Variants in ERLEC1 observed in about 807,000 individuals in gnomAD.
ERLEC1 encodes ER lectin.
ERLEC1 carries 47 observed loss-of-function variants against 68.0 expected under a neutral mutation model. The ratio of observed to expected loss-of-function variants is 0.69; its 90% CI spans 0.55 to 0.88. The LOEUF (loss-of-function observed/expected upper bound fraction) is 0.88, where lower values mean the gene tolerates loss of function less well. Among genes scored for constraint, ERLEC1 ranks in the 40% least tolerant of loss-of-function variants. The probability of loss-of-function intolerance (pLI) is 0.00; values close to 1 mark genes in which losing one functional copy is unlikely to be tolerated. For missense variants in ERLEC1, 567 were observed against 583.8 expected (o/e 0.97, Z 0.30); for synonymous variants, 225 against 203.2 (o/e 1.11, Z -0.91).
chr2:53,789,214 T>C (rs538051615), intron 1 of ERLEC1, among the ~76,000 whole-genome samples: 1 of 151,970 alleles, frequency 6.6e-6, no homozygotes, highest in South Asian at 2.1e-4. Context: ...ACCAACGTGG[T>C]GAAACCCCAT....
At chr2:53,817,118 T>C (rs1463540599) in intron 13 of ERLEC1, among the ~76,000 whole-genome samples, 6 of 147,618 alleles carry the variant, frequency 4.1e-5, no homozygotes, top group African/African-American at 1.5e-4. Context: ...CTTTTTGTTG[T>C]TGTTGTTTTT....
chr2:53,796,913 A>T, intron 3 of ERLEC1, among the ~76,000 whole-genome samples: 1 of 127,296 alleles, frequency 7.9e-6, no homozygotes, highest in Non-Finnish European at 1.6e-5. Flanking sequence ...TTTTTTTGAG[A>T]CAGAGTTTCA....
rs373607608 is a variant in ERLEC1 at position 53,814,515 on chromosome 2, A to T, written c.1227-28A>T. 3.5e-5 allele frequency: 55 copies of T among 1,562,166 alleles called. No homozygotes were observed. In the African/African-American group the frequency reaches 6.9e-4, roughly 20 times the overall value. ...ATTCTATTAGTGAGATTTTAGTTTA[A>T]TAAAACTTGTGTGTTTCTCTGATTC... On this transcript the variant is annotated intron_variant, in intron 11 of 13. Coordinates refer to ENST00000185150, the MANE Select transcript of ERLEC1 (RefSeq NM_015701.5).
chr2:53,811,913 T>G (rs541730972), intron 10 of ERLEC1, among the ~76,000 whole-genome samples: 2 of 151,762 alleles, frequency 1.3e-5, no homozygotes, highest in Admixed American at 6.6e-5. Context: ...ACCATAGGGG[T>G]TTTTTTTGTT....
At chr2:53,796,863 T>C (rs1675733854) in intron 3 of ERLEC1, among the ~76,000 whole-genome samples, 2 of 151,860 alleles carry the variant, frequency 1.3e-5, no homozygotes, top group Admixed American at 1.3e-4. Context: ...TGAATGTTTT[T>C]CAGTTCAAAA....
At chr2:53,817,431 C>T (rs1230782019) in intron 13 of ERLEC1, among the ~76,000 whole-genome samples, 1 of 152,118 alleles carries the variant, frequency 6.6e-6, no homozygotes, top group Non-Finnish European at 1.5e-5. Flanking sequence ...TCGTGCCCAG[C>T]CTCCACTTGG....
rs1676411288 is a variant in ERLEC1 at position 53,808,375 on chromosome 2, T to A, written c.956T>A (p.Leu319His). 6.2e-7 allele frequency: 1 copy of A among 1,614,080 alleles called. No homozygotes were observed. The highest frequency in any genetic ancestry group is 1.3e-5 in the African/African-American group (1 of 74,940). ...KSIAIGSQPV[L>H]TVGTTHISKL... is the part of the protein sequence containing the mutation. ...ATTGCTATTGGCTCTCAGCCAGTGC[T>A]CACTGTTGGGACAACCCACATATCC... Residue 319 changes from leucine to histidine, a missense_variant, in exon 9 of 14, where the codon CTC (leucine) becomes CAC (histidine). Transcript: ENST00000185150.
At chr2:53,800,032 A>T (rs944427364) in intron 6 of ERLEC1, among the ~76,000 whole-genome samples, 2 of 152,130 alleles carry the variant, frequency 1.3e-5, no homozygotes, top group African/African-American at 2.4e-5. Flanking sequence ...CCAGACATTT[A>T]ACAAAAGCTA....
At chr2:53,815,151 G>A (rs1057394014) in intron 13 of ERLEC1, among the ~76,000 whole-genome samples, 14 of 151,556 alleles carry the variant, frequency 9.2e-5, no homozygotes, top group Admixed American at 2.6e-4. Flanking sequence ...GATTACAGGC[G>A]CACACCACCA....
Position 53,818,035 on chromosome 2 carries a change from C to A in ERLEC1, c.*66C>A. ...CATGATAATTTCTGTCCCACTGTGT[C>A]TCATTATAGAGTTCTCAGCCATTGG... is the stretch of plus-strand genomic sequence containing the variant. On this transcript the variant is annotated 3_prime_UTR_variant, in exon 14 of 14. Coordinates refer to ENST00000185150, the MANE Select transcript of ERLEC1 (RefSeq NM_015701.5). The A allele has an allele frequency of 9.5e-7, 1 of 1,057,278 alleles. No homozygotes were observed. The highest frequency in any genetic ancestry group is 1.5e-6 in the Non-Finnish European group (1 of 677,744). 65.5% of individuals were successfully genotyped at this position (1,057,278 alleles called of 1,614,324 possible).
At chr2:53,814,703 A>G in intron 12 of ERLEC1, 83 bp downstream of exon 12, 1 of 1,028,740 alleles carries the variant, frequency 9.7e-7, no homozygotes, top group Non-Finnish European at 1.5e-6. Flanking sequence ...AAACAGTATA[A>G]TTATGAATAA....
Position 53,799,072 on chromosome 2 carries a change from A to C in ERLEC1, c.516A>C (p.Lys172Asn). 2 of 1,612,430 alleles carry C rather than the reference A, an allele frequency of 1.2e-6. No individual in the cohort carries two copies. Among genetic ancestry groups the C allele is most frequent in the Non-Finnish European group, 1.7e-6 (2 of 1,179,036 alleles). Residue 172 changes from lysine to asparagine, a missense_variant, in exon 6 of 14, where the codon AAA (lysine) becomes AAC (asparagine). Coordinates refer to ENST00000185150, the MANE Select transcript of ERLEC1 (RefSeq NM_015701.5). ...AACGAGAAGCAGAAGAAAAGGAAAAATCAAATGAGGCAAGTGACAGATGTT... is the reference window on the plus strand; with the variant it reads ...AACGAGAAGCAGAAGAAAAGGAAAACTCAAATGAGGCAAGTGACAGATGTT... The part of the protein sequence containing the change: ...EKEREAEEKE[K>N]SNEIPTKNIE...
At chr2:53,806,275 C>A (rs1676291054) in intron 8 of ERLEC1, among the ~76,000 whole-genome samples, 1 of 152,064 alleles carries the variant, frequency 6.6e-6, no homozygotes, top group African/African-American at 2.4e-5. Flanking sequence ...AATAATTTTC[C>A]TTAAAAATGA....
chr2:53,795,625 G>C (rs533159167), intron 2 of ERLEC1, among the ~76,000 whole-genome samples: 1 of 152,126 alleles, frequency 6.6e-6, no homozygotes, highest in Non-Finnish European at 1.5e-5. Context: ...TATAAGAATT[G>C]TTCAGGAAAC....
In ERLEC1 at chr2:53,799,065, A is replaced by G. The variant is rs1675869793; in HGVS notation, c.509A>G (p.Lys170Arg). Residue 170 changes from lysine (K) to arginine (R), a missense_variant, in exon 6 of 14, where the codon AAG becomes AGG. Lys to Arg is a conservative substitution (Grantham distance 26, BLOSUM62 2). Transcript: ENST00000185150. The part of the protein sequence containing the change: ...LFEKEREAEE[K>R]EKSNEIPTKN... Reference sequence around the variant, plus strand: ...TCCACAGAACGAGAAGCAGAAGAAAAGGAAAAATCAAATGAGGCAAGTGAC... The same window carrying G: ...TCCACAGAACGAGAAGCAGAAGAAAGGGAAAAATCAAATGAGGCAAGTGAC... 2.5e-6 allele frequency: 4 copies of G among 1,612,386 alleles called. No individual in the cohort carries two copies. The highest frequency in any genetic ancestry group is 3.3e-5 in the Admixed American group (2 of 59,916).
At chr2:53,791,515 T>G (rs111598300) in intron 1 of ERLEC1, among the ~76,000 whole-genome samples, 1 of 152,224 alleles carries the variant, frequency 6.6e-6, no homozygotes, top group African/African-American at 2.4e-5. Context: ...AGATAAACTT[T>G]TTCTCCGTAA....
intron 10 of ERLEC1, among the ~76,000 whole-genome samples, chr2:53,810,326 A>T (rs930654112): frequency 2.0e-5 from 3 of 152,110 alleles, no homozygotes; most frequent in Non-Finnish European, 4.4e-5. Context: ...TAAAAATTTT[A>T]AAAAAAGAAA....
At position 53,787,206 on chromosome 2, in the gene ERLEC1, G is replaced by A. The variant is rs755948272; in HGVS notation, c.-5G>A. ...GGCGGTGGCTGGAGAAAGCGGCGGC[G>A]GAGGATGGAGGAAGGAGGCGGCGGC... On this transcript the variant is annotated 5_prime_UTR_variant, in exon 1 of 14. Transcript: ENST00000185150. 13 of 1,597,050 alleles carry A rather than the reference G, an allele frequency of 8.1e-6. No homozygotes were observed. The highest frequency in any genetic ancestry group is 1.0e-5 in the Non-Finnish European group (12 of 1,175,162).
intron 6 of ERLEC1, 50 bp downstream of exon 6, chr2:53,799,131 G>A (rs1012676183): frequency 2.0e-6 from 3 of 1,514,182 alleles, no homozygotes; most frequent in African/African-American, 2.7e-5. Flanking sequence ...TTGTTAGTGA[G>A]GTATGAATTT....
Sources: gnomAD v4.1 joint callset for allele counts (sites outside exome capture counted in the v4.1 genomes callset) on GRCh38, gnomAD v4.1.1 for gene constraint, MANE v1.5 for transcripts, NCBI Gene and HGNC (gene_info 2026-07-23, HGNC 2026-07-21) for gene names.